Variants in RASAL1 observed in about 807,000 individuals in gnomAD.
The protein encoded by RASAL1 is RAS protein activator like 1.
In RASAL1, 72 loss-of-function variants were observed where a neutral mutation model predicts 96.6. The ratio of observed to expected loss-of-function variants is 0.75; its 90% CI spans 0.62 to 0.91. RASAL1 has a LOEUF of 0.91. Among genes scored for constraint, RASAL1 ranks in the 40% least tolerant of loss-of-function variants. The pLI is 0.00. For missense variants in RASAL1, 1,016 were observed against 1,072.5 expected (o/e 0.95, Z 0.74); for synonymous variants, 405 against 430.4 (o/e 0.94, Z 0.73).
In RASAL1 at chr12:113,129,712, G is replaced by A. The variant is rs1188802906; in HGVS notation, c.122+1173C>T. ...GCCCTAAGAAAGAGTGCACATATGC[G>A]CGCGTGCGCGCACACACACACACAC... On this transcript the variant is annotated intron_variant, in intron 2 of 20. Transcript: ENST00000548055. The surrounding 1 kb of genome is among the most constrained non-coding windows in gnomAD (Gnocchi z 5.0). Among the ~76,000 whole-genome samples the A allele has an allele frequency of 1.3e-5, 2 of 151,882 alleles. No individual in the cohort carries two copies. Among genetic ancestry groups the A allele is most frequent in the Non-Finnish European group, 2.9e-5 (2 of 67,962 alleles).
At position 113,101,011 on chromosome 12, in the gene RASAL1, T is replaced by C. The variant is rs147515894; in HGVS notation, c.2226-331A>G. Among the ~76,000 whole-genome samples the C allele has an allele frequency of 2.5e-3, 378 of 152,312 alleles. 2 individuals are homozygous for C. The highest frequency in any genetic ancestry group is 8.6e-3 in the African/African-American group (356 of 41,564). On this transcript the variant is annotated intron_variant, in intron 19 of 20. Transcript: ENST00000548055. ...TCAGCAGCAGCATCATTATCACTTA[T>C]TGAAAGCTAACTATCTGGCCAGGCA... is the stretch of plus-strand genomic sequence containing the variant.
At chr12:113,111,889 TG>T (rs1760776321) in intron 13 of RASAL1, among the ~76,000 whole-genome samples, 196 bp downstream of exon 13, 3 of 152,142 alleles carry the variant, frequency 2.0e-5, no homozygotes, top group Admixed American at 1.3e-4. Flanking sequence ...CGTGAGCCAC[TG>T]CGCCCGGCCT....
intron 6 of RASAL1, 23 bp from the exon 7 acceptor site, chr12:113,119,282 G>A (rs773926403): frequency 1.9e-6 from 3 of 1,611,466 alleles, no homozygotes; most frequent in Non-Finnish European, 2.5e-6. Context: ...GAAGTGGTCT[G>A]TGAGTGGGAG....
chr12:113,130,045 G>A lies in RASAL1; in HGVS notation c.122+840C>T, dbSNP rs1951642198. ...GAGCTACAGCTGACCCCTCCCCCAG[G>A]CAGGCTCCCCACCCCCAGCTCTGAG... On this transcript the variant is annotated intron_variant, in intron 2 of 20. Coordinates refer to ENST00000548055, the MANE Select transcript of RASAL1 (RefSeq NM_001301202.2). The surrounding 1 kb of genome is among the most constrained non-coding windows in gnomAD (Gnocchi z 5.1). Among the ~76,000 whole-genome samples the A allele has an allele frequency of 1.3e-5, 2 of 152,000 alleles. 1 individual carries two copies. The highest frequency in any genetic ancestry group is 4.1e-4 in the South Asian group (2 of 4,820).
intron 5 of RASAL1, among the ~76,000 whole-genome samples, chr12:113,120,200 A>C (rs1592936903): frequency 1.3e-5 from 2 of 150,858 alleles, no homozygotes; most frequent in African/African-American, 4.9e-5. Context: ...CTCCCTTCCC[A>C]CCCCTGCTTA....
chr12:113,105,807 C>T lies in RASAL1; in HGVS notation c.1737G>A (p.Glu579=), dbSNP rs1227793506. The part of the protein sequence containing the change: ...REGYLLKRKE[E]PAGLATRFAF... ...CAAAGCGCGTGGCCAGGCCGGCAGG[C>T]TCCTCCTTGCGCTTCAGCAGATAGC... The change falls in exon 16 of 21, where the codon GAG becomes GAA. Residue 579 remains glutamate (E), a synonymous_variant. Coordinates refer to ENST00000548055, the MANE Select transcript of RASAL1 (RefSeq NM_001301202.2). 2.5e-6 allele frequency: 4 copies of T among 1,614,052 alleles called. No homozygotes were observed. Among genetic ancestry groups the T allele is most frequent in the African/African-American group, 2.7e-5 (2 of 74,962 alleles).
chr12:113,135,482 T>G lies in RASAL1; in HGVS notation c.-20A>C. On this transcript the variant is annotated 5_prime_UTR_variant, in exon 1 of 21. Coordinates refer to ENST00000548055, the MANE Select transcript of RASAL1 (RefSeq NM_001301202.2). This position sits in a 1 kb window ranked among gnomAD's most constrained non-coding sequence, Gnocchi z 5.7. The stretch of plus-strand genomic sequence containing the variant: ...GGCCATGGCGCCTAGCCACAAACTT[T>G]CCAGGCAGAAGGGCGCTCAGGTTCC... 6.3e-7 allele frequency: 1 copy of G among 1,596,434 alleles called. No homozygotes were observed. The highest frequency in any genetic ancestry group is 8.5e-7 in the Non-Finnish European group (1 of 1,172,248).
chr12:113,112,283 A>AG lies in RASAL1; in HGVS notation c.1182-6dup, dbSNP rs764399551. ...GCGCCTTTGAAGGAGATCCTCCTGG[A>AG]GGGGCCGGCGGAGCAGCTCAGCCTC... On this transcript the variant is annotated splice_region_variant and splice_polypyrimidine_tract_variant and intron_variant, in intron 12 of 20. Transcript: ENST00000548055. The AG allele has an allele frequency of 3.2e-5, 40 of 1,255,508 alleles. No homozygotes were observed. Among genetic ancestry groups the AG allele is most frequent in the Non-Finnish European group, 4.0e-5 (40 of 991,808 alleles). 77.8% of individuals were successfully genotyped at this position (1,255,508 alleles called of 1,614,324 possible). A position where few individuals can be genotyped will look rare whatever the true frequency, so the allele number is the denominator to read the frequency against.
chr12:113,119,907 G>C (rs1239423806), intron 5 of RASAL1, among the ~76,000 whole-genome samples: 1 of 152,192 alleles, frequency 6.6e-6, no homozygotes, highest in Non-Finnish European at 1.5e-5. Flanking sequence ...CAACCTCATA[G>C]AGCCGAGGGT....
At chr12:113,103,403 C>T (rs1950530024) in intron 18 of RASAL1, among the ~76,000 whole-genome samples, 2 of 151,892 alleles carry the variant, frequency 1.3e-5, no homozygotes, top group Non-Finnish European at 2.9e-5. Flanking sequence ...GTCAGGAGTT[C>T]GAGACCAGCC....
intron 18 of RASAL1, among the ~76,000 whole-genome samples, chr12:113,103,435 G>A (rs967174489): frequency 1.3e-5 from 2 of 151,914 alleles, no homozygotes; most frequent in African/African-American, 2.4e-5. Context: ...GGGAAACCCC[G>A]TCCCTACTAA....
chr12:113,100,214 G>T, intron 20 of RASAL1, 146 bp from the exon 21 acceptor site: 1 of 966,036 alleles, frequency 1.0e-6, no homozygotes, highest in Non-Finnish European at 1.5e-6. Flanking sequence ...CAGCCCTGTG[G>T]CCTGATAATG....
intron 4 of RASAL1, among the ~76,000 whole-genome samples, chr12:113,126,872 C>T (rs1382479426): frequency 6.6e-6 from 1 of 151,140 alleles, no homozygotes; most frequent in Non-Finnish European, 1.5e-5. Flanking sequence ...GAGCACCTGC[C>T]TCTCAGGGTT....
chr12:113,104,390 A>C, intron 16 of RASAL1, 92 bp from the exon 17 acceptor site: 1 of 1,303,922 alleles, frequency 7.7e-7, no homozygotes, highest in Non-Finnish European at 1.1e-6. Flanking sequence ...AGGTGGAGTC[A>C]GTTCCCAGCG....
Position 113,135,228 on chromosome 12 carries a change from C to G in RASAL1, c.65+170G>C, listed in dbSNP as rs1951870153. On this transcript the variant is annotated intron_variant, in intron 1 of 20. Transcript: ENST00000548055. The surrounding 1 kb of genome is among the most constrained non-coding windows in gnomAD (Gnocchi z 5.7). ...AGGCGCCCCCCTCCCACCGGGACAG[C>G]CATGGGCATGCGGCCTCTCGCCCCT... is the stretch of plus-strand genomic sequence containing the variant. Among the ~76,000 whole-genome samples the G allele has an allele frequency of 6.6e-6, 1 of 152,160 alleles. No individual in the cohort carries two copies. Among genetic ancestry groups the G allele is most frequent in the East Asian group, 1.9e-4 (1 of 5,164 alleles).
Position 113,115,801 on chromosome 12 carries a change from G to T in RASAL1, c.850-13C>A. The T allele has an allele frequency of 6.2e-7, 1 of 1,613,638 alleles. No individual in the cohort carries two copies. Among genetic ancestry groups the T allele is most frequent in the Non-Finnish European group, 8.5e-7 (1 of 1,179,734 alleles). Reference sequence around the variant, plus strand: ...TAGCAGTGTCCTCCTGGGTGGGGGCGGGAGACAAAGATGACCTCGGCCCCT... The same window carrying T: ...TAGCAGTGTCCTCCTGGGTGGGGGCTGGAGACAAAGATGACCTCGGCCCCT... On this transcript the variant is annotated splice_polypyrimidine_tract_variant and intron_variant, in intron 9 of 20. Transcript: ENST00000548055. The surrounding 1 kb of genome is among the most constrained non-coding windows in gnomAD (Gnocchi z 4.1).
At chr12:113,121,169 G>T (rs920062916) in intron 5 of RASAL1, among the ~76,000 whole-genome samples, 2 of 152,192 alleles carry the variant, frequency 1.3e-5, no homozygotes, top group African/African-American at 4.8e-5. Flanking sequence ...GAAGCTACAT[G>T]TCAGTCATAT....
rs746801538 is a variant in RASAL1, at chr12:113,130,538, C to T, written c.122+347G>A. 4.6e-5 allele frequency among the ~76,000 whole-genome samples: 7 copies of T among 152,164 alleles called. No individual in the cohort carries two copies. Among genetic ancestry groups the T allele is most frequent in the Non-Finnish European group, 8.8e-5 (6 of 68,030 alleles). ...ACAGACACACATGCACATGCCCACG[C>T]GCACAGACATCCCCAGTGCCCGCAG... On this transcript the variant is annotated intron_variant, in intron 2 of 20. Transcript: ENST00000548055. The surrounding 1 kb of genome is among the most constrained non-coding windows in gnomAD (Gnocchi z 5.1).
rs201384471 is a variant in RASAL1, at chr12:113,105,764, C to G, written c.1780G>C (p.Val594Leu). ...ATRFAFKKRY[V>L]WLSGETLSFS... ...GAGAGGGTCTCCCCGCTGAGCCAGA[C>G]GTAGCGCTTCTTGAAGGCAAAGCGC... The change falls in exon 16 of 21, where the codon GTC (valine) becomes CTC (leucine). Residue 594 changes from valine to leucine, a missense_variant. Transcript: ENST00000548055. 1 of 1,614,040 alleles carries G rather than the reference C, an allele frequency of 6.2e-7. No homozygotes were observed. The highest frequency in any genetic ancestry group is 8.5e-7 in the Non-Finnish European group (1 of 1,179,932).
Sources: allele counts gnomAD v4.1 joint callset (sites outside exome capture counted in the v4.1 genomes callset), GRCh38; gene constraint gnomAD v4.1.1; non-coding constraint Gnocchi (gnomAD v3.1); transcripts MANE v1.5; gene names NCBI Gene and HGNC (gene_info 2026-07-23, HGNC 2026-07-21).